The following LPAR5 variants were observed in gnomAD, a reference collection of about 807,000 sequenced individuals.
The protein encoded by LPAR5 is G protein-coupled receptor 92.
For synonymous variants in LPAR5, 271 were observed against 261.6 expected (o/e 1.04, Z -0.35); for missense variants, 544 against 521.8 (o/e 1.04, Z -0.41).
chr12:6,625,975 A>T (rs911601639), intron 1 of LPAR5, among the ~76,000 whole-genome samples: 1 of 152,010 alleles, frequency 6.6e-6, no homozygotes, highest in South Asian at 2.1e-4. Flanking sequence ...TAATTTTTAA[A>T]TTTTTTGTAG....
At chr12:6,635,646 G>T (rs1010472327) in intron 1 of LPAR5, among the ~76,000 whole-genome samples, 2 of 152,296 alleles carry the variant, frequency 1.3e-5, no homozygotes, top group Admixed American at 6.5e-5. Context: ...CACAGCCTCT[G>T]CGAGATGCCC....
At chr12:6,632,718 C>T (rs1744611970) in intron 1 of LPAR5, among the ~76,000 whole-genome samples, 1 of 152,320 alleles carries the variant, frequency 6.6e-6, no homozygotes, top group Non-Finnish European at 1.5e-5. Flanking sequence ...TTTTCTTCCG[C>T]TTATCCTGGT....
rs947936010 is a variant in LPAR5 at position 6,619,225 on chromosome 12, C to G, written c.*905G>C. The G allele has an allele frequency of 6.6e-6, 1 of 152,116 alleles. No individual in the cohort carries two copies. The highest frequency in any genetic ancestry group is 1.5e-5 in the Non-Finnish European group (1 of 68,020). The allele number at this position is 152,116 out of a possible 1,614,324, so 9.4% of individuals were successfully genotyped here. Reference sequence around the variant, plus strand: ...TCAAAAGAACAAAATATAAGCAAAGCTCTTTGAGATCCTCAATTTCTAAGA... The same window carrying G: ...TCAAAAGAACAAAATATAAGCAAAGGTCTTTGAGATCCTCAATTTCTAAGA... On this transcript the variant is annotated 3_prime_UTR_variant, in exon 2 of 2. Transcript: ENST00000329858.
In LPAR5 at chr12:6,620,559, C is replaced by T; in HGVS notation, c.690G>A (p.Arg230=). The change falls in exon 2 of 2, where the codon CGG becomes CGA. Residue 230 remains arginine (R), a synonymous_variant. Transcript: ENST00000329858. This position sits in a 1 kb window ranked among gnomAD's most constrained non-coding sequence, Gnocchi z 6.8. Reference sequence around the variant, plus strand: ...TAGCCAGCAGGAGGCGCACGGTCTTCCGCCGCCGCTGGCTCTGCGTGGCGT... The same window carrying T: ...TAGCCAGCAGGAGGCGCACGGTCTTTCGCCGCCGCTGGCTCTGCGTGGCGT... The part of the protein sequence containing the change: ...RPDATQSQRR[R]KTVRLLLANL... 1.3e-6 allele frequency: 2 copies of T among 1,556,948 alleles called. No homozygotes were observed. The highest frequency in any genetic ancestry group is 1.4e-5 in the African/African-American group (1 of 73,514).
chr12:6,623,454 A>G (rs1948911000), intron 1 of LPAR5, among the ~76,000 whole-genome samples: 1 of 151,822 alleles, frequency 6.6e-6, no homozygotes, highest in Middle Eastern at 3.2e-3. Flanking sequence ...GAATTGATTG[A>G]ATCCAGGAGG....
intron 1 of LPAR5, among the ~76,000 whole-genome samples, chr12:6,623,706 CTT>C (rs2136241332): frequency 6.6e-6 from 1 of 152,328 alleles, no homozygotes; most frequent in East Asian, 1.9e-4. Flanking sequence ...AGCAAAAAGT[CTT>C]TGCCCCCACC....
Position 6,634,643 on chromosome 12 carries a change from A to AAC in LPAR5, c.-217+1263_-217+1264insGT, listed in dbSNP as rs1555077279. 1.5e-3 allele frequency among the ~76,000 whole-genome samples: 221 copies of AAC among 149,634 alleles called. 1 individual carries two copies. Among genetic ancestry groups the AAC allele is most frequent in the Middle Eastern group, 6.8e-3 (2 of 292 alleles). On this transcript the variant is annotated intron_variant, in intron 1 of 1. Transcript: ENST00000329858. ...GCGAGACCCCATCTCAAAAAAAAAA[A>AAC]AAATTAGCCGGGCATGGTGGTGCCT...
chr12:6,620,818 C>T lies in LPAR5; in HGVS notation c.431G>A (p.Gly144Asp), dbSNP rs773995038. 1.9e-6 allele frequency: 3 copies of T among 1,565,670 alleles called. No homozygotes were observed. The highest frequency in any genetic ancestry group is 2.6e-6 in the Non-Finnish European group (3 of 1,155,402). The change falls in exon 2 of 2, where the codon GGC becomes GAC. Residue 144 changes from glycine (G) to aspartate (D), a missense_variant. Physicochemically the swap from Gly to Asp is moderately conservative, Grantham distance 94 (BLOSUM62 -1). Coordinates refer to ENST00000329858, the MANE Select transcript of LPAR5 (RefSeq NM_020400.6). The surrounding 1 kb of genome is among the most constrained non-coding windows in gnomAD (Gnocchi z 6.8). The stretch of plus-strand genomic sequence containing the variant: ...AAACACCAGGATGAGCGCCCACACG[C>T]CCAGGCAGAGCAGCCGCGCCACGCG... ...RPRVARLLCL[G>D]VWALILVFAV... is the part of the protein sequence containing the mutation.
At chr12:6,622,597 A>AG in intron 1 of LPAR5, among the ~76,000 whole-genome samples, 1 of 147,408 alleles carries the variant, frequency 6.8e-6, no homozygotes, top group East Asian at 2.0e-4. Context: ...AAAAAAAAAA[A>AG]AAAATTAGCC....
At position 6,620,023 on chromosome 12, in the gene LPAR5, C is replaced by A; in HGVS notation, c.*107G>T. Reference sequence around the variant, plus strand: ...CTGCGTTGCTAAGCTGGAATTGCCACCCAAAGGTCCAAGTGCCCAGCCCAC... The same window carrying A: ...CTGCGTTGCTAAGCTGGAATTGCCAACCAAAGGTCCAAGTGCCCAGCCCAC... On this transcript the variant is annotated 3_prime_UTR_variant, in exon 2 of 2. Transcript: ENST00000329858. This position sits in a 1 kb window ranked among gnomAD's most constrained non-coding sequence, Gnocchi z 6.8. The A allele has an allele frequency of 6.9e-7, 1 of 1,455,022 alleles. No homozygotes were observed. The allele number at this position is 1,455,022 out of a possible 1,614,324, so 90.1% of individuals were successfully genotyped here.
Position 6,621,053 on chromosome 12 carries a change from C to A in LPAR5, c.196G>T (p.Ala66Ser). ...VVSVYMCNLA[A>S]SDLLFTLSLP... ...GAGAGGGTGAAGAGCAGGTCGCTGG[C>A]CGCCAGGTTACACATGTACACGCTC... The change falls in exon 2 of 2, where the codon GCC becomes TCC. Residue 66 changes from alanine to serine, a missense_variant. Physicochemically the swap from Ala to Ser is moderately conservative, Grantham distance 99. Coordinates refer to ENST00000329858, the MANE Select transcript of LPAR5 (RefSeq NM_020400.6). 1 of 1,605,642 alleles carries A rather than the reference C, an allele frequency of 6.2e-7. No individual in the cohort carries two copies.
Position 6,620,106 on chromosome 12 carries a change from C to T in LPAR5, c.*24G>A. 23 of 1,613,298 alleles carry T rather than the reference C, an allele frequency of 1.4e-5. No individual in the cohort carries two copies. The highest frequency in any genetic ancestry group is 1.9e-5 in the Non-Finnish European group (22 of 1,179,752). ...AACGAGAGGCGTTGGGAGTCGGGCACGGACAGCGCAATGGCATGTGTGTTC... is the reference window on the plus strand; with the variant it reads ...AACGAGAGGCGTTGGGAGTCGGGCATGGACAGCGCAATGGCATGTGTGTTC... On this transcript the variant is annotated 3_prime_UTR_variant, in exon 2 of 2. Coordinates refer to ENST00000329858, the MANE Select transcript of LPAR5 (RefSeq NM_020400.6). This position sits in a 1 kb window ranked among gnomAD's most constrained non-coding sequence, Gnocchi z 6.8.
chr12:6,627,176 A>G (rs1483860941), intron 1 of LPAR5, among the ~76,000 whole-genome samples: 1 of 152,248 alleles, frequency 6.6e-6, no homozygotes, highest in African/African-American at 2.4e-5. Context: ...CTCATCTTTC[A>G]CACATACACA....
chr12:6,632,695 C>T (rs1948987616), intron 1 of LPAR5, among the ~76,000 whole-genome samples: 1 of 152,176 alleles, frequency 6.6e-6, no homozygotes, highest in South Asian at 2.1e-4. Context: ...GTTTTGAGGG[C>T]ACAAATGAAT....
At chr12:6,625,025 G>C (rs1948923692) in intron 1 of LPAR5, among the ~76,000 whole-genome samples, 1 of 152,162 alleles carries the variant, frequency 6.6e-6, no homozygotes, top group South Asian at 2.1e-4. Flanking sequence ...TTTGGCTATT[G>C]TGAATAATGC....
At chr12:6,623,049 C>T (rs1948907636) in intron 1 of LPAR5, among the ~76,000 whole-genome samples, 1 of 152,138 alleles carries the variant, frequency 6.6e-6, no homozygotes, top group African/African-American at 2.4e-5. Context: ...ATCAGCCTGG[C>T]CAACCTGGCA....
chr12:6,634,213 C>T (rs1191533957), intron 1 of LPAR5, among the ~76,000 whole-genome samples: 1 of 150,988 alleles, frequency 6.6e-6, no homozygotes, highest in Non-Finnish European at 1.5e-5. Flanking sequence ...CACCATGTTG[C>T]CTGGGATGGT....
intron 1 of LPAR5, among the ~76,000 whole-genome samples, 178 bp downstream of exon 1, chr12:6,635,729 G>A (rs562236481): frequency 2.0e-5 from 3 of 152,284 alleles, no homozygotes; most frequent in African/African-American, 4.8e-5. Context: ...TTTGTCCAGC[G>A]CCATCTGAAA....
At chr12:6,625,164 G>A (rs1266861747) in intron 1 of LPAR5, among the ~76,000 whole-genome samples, 1 of 152,044 alleles carries the variant, frequency 6.6e-6, no homozygotes, top group Non-Finnish European at 1.5e-5. Flanking sequence ...GGTGGTTCAC[G>A]CTGGTAATCC....
Sources: gnomAD v4.1 joint callset for allele counts (sites outside exome capture counted in the v4.1 genomes callset) on GRCh38, gnomAD v4.1.1 for gene constraint, Gnocchi (gnomAD v3.1) non-coding constraint, MANE v1.5 for transcripts, NCBI Gene and HGNC (gene_info 2026-07-23, HGNC 2026-07-21) for gene names.